KIF26B: variants seen among roughly 807,000 people sequenced by gnomAD.
KIF26B encodes kinesin family member 26B.
KIF26B carries 63 observed loss-of-function variants against 151.2 expected under a neutral mutation model. That is an observed-to-expected ratio of 0.42 (90% CI 0.34 to 0.51). KIF26B has a LOEUF of 0.51. Among genes scored for constraint, KIF26B ranks in the 20% least tolerant of loss-of-function variants. KIF26B has a pLI of 0.07. For missense variants in KIF26B, 2,813 were observed against 2,913.6 expected, an observed-to-expected ratio of 0.97 and a Z score of 0.79; for synonymous variants, 1,357 against 1,262.1, an observed-to-expected ratio of 1.08 and a Z score of -1.59.
Position 245,685,874 on chromosome 1 carries a change from G to T in KIF26B, c.2891G>T (p.Arg964Leu). 6.2e-7 allele frequency: 1 copy of T among 1,612,946 alleles called. No homozygotes were observed. Among genetic ancestry groups the T allele is most frequent in the Non-Finnish European group, 8.5e-7 (1 of 1,179,790 alleles). ...CCAGAGCAGGCAAGCAGAGGCCCCC[G>T]GTTAAGCCAAGCAGCGGGGGCAAGC... ...FGPEQASRGP[R>L]LSQAAGASPL... Residue 964 changes from arginine (R) to leucine (L), a missense_variant, in exon 12 of 15, where the codon CGG becomes CTG. By Grantham distance (102) the Arg-to-Leu change is moderately radical. Coordinates refer to ENST00000407071, the MANE Select transcript of KIF26B (RefSeq NM_018012.4).
rs113984956 is a variant in KIF26B, at chr1:245,614,049, A to C, written c.2098+2073A>C. Among the ~76,000 whole-genome samples, 129 of 152,284 alleles carry C rather than the reference A, an allele frequency of 8.5e-4. 4 individuals are homozygous for C. The highest frequency in any genetic ancestry group is 3.1e-3 in the African/African-American group (127 of 41,534). The stretch of plus-strand genomic sequence containing the variant: ...TCGTGGGAATGGACTCGTGTGGCCC[A>C]GATGTGGCCTTTTGTGTCTGGCTTC... On this transcript the variant is annotated intron_variant, in intron 9 of 14. Coordinates refer to ENST00000407071, the MANE Select transcript of KIF26B (RefSeq NM_018012.4).
chr1:245,650,945 C>T (rs2103189619), intron 10 of KIF26B, among the ~76,000 whole-genome samples: 1 of 152,284 alleles, frequency 6.6e-6, no homozygotes, highest in Non-Finnish European at 1.5e-5. Context: ...CAGACCTAAT[C>T]CTTGTTTGTT....
At chr1:245,292,921 C>T (rs1671279737) in intron 2 of KIF26B, among the ~76,000 whole-genome samples, 1 of 152,196 alleles carries the variant, frequency 6.6e-6, no homozygotes, top group Non-Finnish European at 1.5e-5. Context: ...TGCTTCGGTG[C>T]CGTCCCTGCT....
chr1:245,229,273 G>A (rs1392484239), intron 2 of KIF26B, among the ~76,000 whole-genome samples: 1 of 151,928 alleles, frequency 6.6e-6, no homozygotes, highest in Admixed American at 6.6e-5. Context: ...CCCCCTGCCG[G>A]ATTTATCTTA....
At chr1:245,623,086 G>C (rs957298825) in intron 9 of KIF26B, among the ~76,000 whole-genome samples, 1 of 133,810 alleles carries the variant, frequency 7.5e-6, no homozygotes, top group African/African-American at 2.8e-5. Flanking sequence ...AGATATACCT[G>C]AGCTACAATA....
rs565907001 is a variant in KIF26B, at chr1:245,318,347, C to T, written c.466-48487C>T. Among the ~76,000 whole-genome samples the T allele has an allele frequency of 1.3e-5, 2 of 152,198 alleles. No homozygotes were observed. Among genetic ancestry groups the T allele is most frequent in the South Asian group, 2.1e-4 (1 of 4,814 alleles). On this transcript the variant is annotated intron_variant, in intron 2 of 14. Coordinates refer to ENST00000407071, the MANE Select transcript of KIF26B (RefSeq NM_018012.4). The surrounding 1 kb of genome is among the most constrained non-coding windows in gnomAD (Gnocchi z 4.0). ...TGAATTCCACTTACCCTCAGCAAGA[C>T]GAGGGAAGAAGAAGATTCTGGAAAG...
intron 2 of KIF26B, among the ~76,000 whole-genome samples, chr1:245,192,353 A>G: frequency 6.6e-6 from 1 of 152,168 alleles, no homozygotes; most frequent in East Asian, 1.9e-4. Flanking sequence ...ACAGGAAAGA[A>G]AAAAAAGGAT....
intron 2 of KIF26B, among the ~76,000 whole-genome samples, chr1:245,359,208 G>A (rs529372854): frequency 2.6e-5 from 4 of 152,112 alleles, no homozygotes; most frequent in Non-Finnish European, 4.4e-5. Context: ...TAGTAGAGAC[G>A]GGGTTTCACT....
Position 245,687,853 on chromosome 1 carries a change from A to G in KIF26B, c.4870A>G (p.Ser1624Gly). Residue 1624 changes from serine to glycine, a missense_variant, in exon 12 of 15, where the codon AGC becomes GGC. Ser to Gly is a moderately conservative substitution (Grantham distance 56). Coordinates refer to ENST00000407071, the MANE Select transcript of KIF26B (RefSeq NM_018012.4). The surrounding 1 kb of genome is among the most constrained non-coding windows in gnomAD (Gnocchi z 4.9). ...GCACAGTGCCAGCGGCAGCGGCACC[A>G]GCAGCCCCCTGAACCAACCAGCCGC... ...PQHSASGSGT[S>G]SPLNQPAAFP... 12 of 1,593,424 alleles carry G rather than the reference A, an allele frequency of 7.5e-6. No homozygotes were observed. The highest frequency in any genetic ancestry group is 1.1e-5 in the South Asian group (1 of 87,502).
At chr1:245,435,140 C>T (rs1328332346) in intron 4 of KIF26B, among the ~76,000 whole-genome samples, 9 of 150,938 alleles carry the variant, frequency 6.0e-5, no homozygotes, top group Admixed American at 1.3e-4. Flanking sequence ...CCCATCCATC[C>T]ATCCATCCAT....
intron 5 of KIF26B, among the ~76,000 whole-genome samples, chr1:245,582,577 T>C (rs1206387908): frequency 6.6e-6 from 1 of 152,106 alleles, no homozygotes; most frequent in Non-Finnish European, 1.5e-5. Flanking sequence ...ATATACAGTG[T>C]GGGGTCTGTT....
chr1:245,412,991 G>T (rs1674323955), intron 3 of KIF26B, among the ~76,000 whole-genome samples: 1 of 152,128 alleles, frequency 6.6e-6, no homozygotes, highest in African/African-American at 2.4e-5. Context: ...CACCCCGAGG[G>T]ATATGATGTG....
intron 5 of KIF26B, among the ~76,000 whole-genome samples, chr1:245,593,824 C>T (rs2043314234): frequency 6.6e-6 from 1 of 152,210 alleles, no homozygotes; most frequent in South Asian, 2.1e-4. Flanking sequence ...CACATCCTCT[C>T]CAGCATCTGT....
At chr1:245,476,769 G>T (rs1463108126) in intron 4 of KIF26B, among the ~76,000 whole-genome samples, 1 of 151,640 alleles carries the variant, frequency 6.6e-6, no homozygotes, top group African/African-American at 2.4e-5. Context: ...CAAGTGATCC[G>T]CCTGCCTTAG....
chr1:245,547,274 A>G (rs1661766449), intron 5 of KIF26B, among the ~76,000 whole-genome samples: 1 of 152,190 alleles, frequency 6.6e-6, no homozygotes, highest in Admixed American at 6.5e-5. Context: ...CAGGAAAGTC[A>G]TCCCAAGGAC....
At chr1:245,607,447 T>G (rs982138775) in intron 6 of KIF26B, among the ~76,000 whole-genome samples, 1 of 152,170 alleles carries the variant, frequency 6.6e-6, no homozygotes, top group Non-Finnish European at 1.5e-5. Context: ...TTGCAGTGCA[T>G]GTGCATAATG....
chr1:245,195,333 G>A (rs1461150208), intron 2 of KIF26B, among the ~76,000 whole-genome samples: 2 of 152,102 alleles, frequency 1.3e-5, no homozygotes, highest in Admixed American at 1.3e-4. Flanking sequence ...TTTCTGAGAT[G>A]GGAATAACAT....
chr1:245,260,906 G>A (rs773267026), intron 2 of KIF26B, among the ~76,000 whole-genome samples: 4 of 152,178 alleles, frequency 2.6e-5, no homozygotes, highest in Non-Finnish European at 4.4e-5. Context: ...TCTGGACATA[G>A]CTCTCTGTAG....
Position 245,419,676 on chromosome 1 carries a change from C to A in KIF26B, c.1097C>A (p.Ala366Asp). 2 of 1,613,884 alleles carry A rather than the reference C, an allele frequency of 1.2e-6. No individual in the cohort carries two copies. The highest frequency in any genetic ancestry group is 1.7e-6 in the Non-Finnish European group (2 of 1,179,798). ...AAGCCTTCCGCCTGCAGTGTCCCAG[C>A]CTCGCAGGGCTCCTGCGTGGCCAGC... The part of the protein sequence containing the change: ...ADKPSACSVP[A>D]SQGSCVASET... The change falls in exon 4 of 15, where the codon GCC becomes GAC. Residue 366 changes from alanine (A) to aspartate (D), a missense_variant. Around this residue, in one of 3 missense-constraint regions of KIF26B, gnomAD observed 676 missense variants for 688.1 expected, o/e 0.98. Coordinates refer to ENST00000407071, the MANE Select transcript of KIF26B (RefSeq NM_018012.4).
Sources: gnomAD v4.1 joint callset for allele counts (sites outside exome capture counted in the v4.1 genomes callset) on GRCh38, gnomAD v4.1.1 for gene constraint, gnomAD v4.1.1 regional missense constraint, Gnocchi (gnomAD v3.1) non-coding constraint, MANE v1.5 for transcripts, NCBI Gene and HGNC (gene_info 2026-07-23, HGNC 2026-07-21) for gene names.